Variants in LDB2 observed in about 807,000 individuals in gnomAD.
The protein encoded by LDB2 is LIM domain binding 2.
In LDB2, 12 loss-of-function variants were observed where a neutral mutation model predicts 44.3. The ratio of observed to expected loss-of-function variants is 0.27; its 90% CI spans 0.17 to 0.44. The LOEUF is 0.44. LDB2 is among the 20% of genes least tolerant of loss of function. The pLI, the probability that LDB2 is intolerant of heterozygous loss-of-function variation, is 1.00. For missense variants in LDB2, 344 were observed against 473.5 expected, an observed-to-expected ratio of 0.73 and a Z score of 2.54; for synonymous variants, 164 against 174.8, an observed-to-expected ratio of 0.94 and a Z score of 0.49.
intron 5 of LDB2, among the ~76,000 whole-genome samples, chr4:16,542,010 G>T (rs1469140263): frequency 6.8e-6 from 1 of 147,852 alleles, no homozygotes; most frequent in African/African-American, 2.5e-5. Context: ...AGAACTTCTG[G>T]CAGTCTCCTG....
chr4:16,648,593 C>T lies in LDB2; in HGVS notation c.236-52718G>A, dbSNP rs111801259. Among the ~76,000 whole-genome samples the T allele has an allele frequency of 9.3e-3, 1,418 of 152,294 alleles. 20 individuals carry two copies. Among genetic ancestry groups the T allele is most frequent in the African/African-American group, 0.033 (1,357 of 41,568 alleles). On this transcript the variant is annotated intron_variant, in intron 2 of 7. Coordinates refer to ENST00000304523, the MANE Select transcript of LDB2 (RefSeq NM_001290.5). ...GTGAGAAAGATACTCTGGAGTTTGG[C>T]AAACTCTGTTCTTTTCACCTTGACA...
Position 16,843,779 on chromosome 4 carries a change from G to A in LDB2, c.132+54575C>T, listed in dbSNP as rs531469576. On this transcript the variant is annotated intron_variant, in intron 1 of 7. Transcript: ENST00000304523. ...TGGGATTACAGACATGTGCCACCAC[G>A]CCCAGCTAATTTTTTGTATGTTTAG... is the stretch of plus-strand genomic sequence containing the variant. Among the ~76,000 whole-genome samples, 299 of 151,942 alleles carry A rather than the reference G, an allele frequency of 2.0e-3. 1 individual carries two copies. Among genetic ancestry groups the A allele is most frequent in the Non-Finnish European group, 2.5e-3 (171 of 67,998 alleles).
At chr4:16,820,287 A>C (rs561391366) in intron 1 of LDB2, among the ~76,000 whole-genome samples, 1 of 152,196 alleles carries the variant, frequency 6.6e-6, no homozygotes, top group South Asian at 2.1e-4. Flanking sequence ...TTTATTATTC[A>C]TTTATTCAAA....
intron 2 of LDB2, among the ~76,000 whole-genome samples, chr4:16,669,193 A>T (rs943150467): frequency 3.1e-4 from 47 of 152,362 alleles, no homozygotes; most frequent in African/African-American, 1.1e-3. Flanking sequence ...ACTGAAGGTC[A>T]GAATGATTAT....
chr4:16,694,192 G>A (rs1751542399), intron 2 of LDB2, among the ~76,000 whole-genome samples: 1 of 152,224 alleles, frequency 6.6e-6, no homozygotes, highest in Non-Finnish European at 1.5e-5. Flanking sequence ...GCACATTCGG[G>A]ATAACTTACT....
chr4:16,507,661 G>A (rs1001214768), intron 7 of LDB2, among the ~76,000 whole-genome samples: 17 of 152,090 alleles, frequency 1.1e-4, no homozygotes, highest in Non-Finnish European at 1.9e-4. Context: ...AAAATCTCAG[G>A]ATTTGAATGA....
intron 1 of LDB2, among the ~76,000 whole-genome samples, chr4:16,875,709 C>T (rs115361434): frequency 0.015 from 2,232 of 152,224 alleles, 57 homozygotes; most frequent in African/African-American, 0.051. Context: ...TGCTGCAGAG[C>T]GAAGAGACAT....
chr4:16,616,137 C>G (rs1727250544), intron 2 of LDB2, among the ~76,000 whole-genome samples: 1 of 152,114 alleles, frequency 6.6e-6, no homozygotes, highest in Non-Finnish European at 1.5e-5. Flanking sequence ...AACCATTCCC[C>G]CACAAGAATA....
At chr4:16,850,136 G>A (rs1316158638) in intron 1 of LDB2, among the ~76,000 whole-genome samples, 2 of 152,148 alleles carry the variant, frequency 1.3e-5, no homozygotes, top group African/African-American at 4.8e-5. Flanking sequence ...AGGGCCTCTG[G>A]AGCTCTTGTG....
At chr4:16,651,267 G>C (rs991865285) in intron 2 of LDB2, 23 of 152,318 alleles carry the variant, frequency 1.5e-4, no homozygotes, top group African/African-American at 5.1e-4. Context: ...AGAAGCAGCA[G>C]CAACAGAGAT....
chr4:16,703,459 T>C (rs1368420170), intron 2 of LDB2, among the ~76,000 whole-genome samples: 1 of 152,194 alleles, frequency 6.6e-6, no homozygotes, highest in Non-Finnish European at 1.5e-5. Flanking sequence ...TCATGGCCAG[T>C]TTTTATCCAA....
At chr4:16,882,027 A>G (rs1720287055) in intron 1 of LDB2, among the ~76,000 whole-genome samples, 1 of 152,208 alleles carries the variant, frequency 6.6e-6, no homozygotes, top group South Asian at 2.1e-4. Flanking sequence ...TTAGGGTGTG[A>G]GTGTACATGT....
At chr4:16,525,782 G>A (rs571589105) in intron 5 of LDB2, among the ~76,000 whole-genome samples, 3 of 152,186 alleles carry the variant, frequency 2.0e-5, no homozygotes, top group Non-Finnish European at 2.9e-5. Context: ...AAAAGGTAAC[G>A]TAGGGAAGAG....
chr4:16,877,483 A>G (rs1273810011), intron 1 of LDB2, among the ~76,000 whole-genome samples: 1 of 152,230 alleles, frequency 6.6e-6, no homozygotes, highest in East Asian at 1.9e-4. Flanking sequence ...CAATGCATCC[A>G]TAAGAGTTTG....
At chr4:16,691,490 A>C (rs577435206) in intron 2 of LDB2, among the ~76,000 whole-genome samples, 1 of 152,346 alleles carries the variant, frequency 6.6e-6, no homozygotes, top group Admixed American at 6.5e-5. Context: ...AGTAGAGGTA[A>C]AGAACAGTGT....
At chr4:16,546,883 G>T (rs978879386) in intron 5 of LDB2, among the ~76,000 whole-genome samples, 2 of 152,082 alleles carry the variant, frequency 1.3e-5, no homozygotes, top group African/African-American at 4.8e-5. Context: ...CTCTCCCCCA[G>T]TGTTGGTCTT....
At chr4:16,585,849 G>T in intron 5 of LDB2, 73 bp downstream of exon 5, 1 of 1,126,242 alleles carries the variant, frequency 8.9e-7, no homozygotes, top group Non-Finnish European at 1.3e-6. Flanking sequence ...TAACTTCTTG[G>T]TTCAGGATGC....
intron 1 of LDB2, among the ~76,000 whole-genome samples, chr4:16,773,095 G>A (rs752299688): frequency 1.1e-4 from 16 of 152,148 alleles, no homozygotes; most frequent in Non-Finnish European, 1.9e-4. Context: ...ATAACCAAAC[G>A]TAAGTTCTGG....
chr4:16,794,086 C>T (rs1309992386), intron 1 of LDB2, among the ~76,000 whole-genome samples: 1 of 152,100 alleles, frequency 6.6e-6, no homozygotes, highest in African/African-American at 2.4e-5. Context: ...CCAAAGGGGA[C>T]AGCACTGCTC....
Sources: gnomAD v4.1 joint callset for allele counts (sites outside exome capture counted in the v4.1 genomes callset) on GRCh38, gnomAD v4.1.1 for gene constraint, MANE v1.5 for transcripts, NCBI Gene and HGNC (gene_info 2026-07-23, HGNC 2026-07-21) for gene names.